LRMDA: variants seen among roughly 807,000 people sequenced by gnomAD.
The protein encoded by LRMDA is leucine-rich melanocyte differentiation-associated protein.
In LRMDA, 18 loss-of-function variants were observed where a neutral mutation model predicts 29.8. That is an observed-to-expected ratio of 0.60 (90% confidence interval 0.42 to 0.90). The LOEUF is 0.90. Among genes scored for constraint, LRMDA ranks in the 40% least tolerant of loss-of-function variants. The pLI is 0.00. For synonymous variants in LRMDA, 125 were observed against 109.4 expected (o/e 1.14, Z -0.89); for missense variants, 273 against 273.9 (o/e 1.00, Z 0.02).
intron 2 of LRMDA, among the ~76,000 whole-genome samples, chr10:75,790,131 C>G (rs1843540371): frequency 6.6e-6 from 1 of 152,106 alleles, no homozygotes; most frequent in African/African-American, 2.4e-5. Flanking sequence ...AATCTTGGCC[C>G]TATTGACATT....
chr10:75,722,104 G>A (rs975317270), intron 2 of LRMDA, among the ~76,000 whole-genome samples: 4 of 152,082 alleles, frequency 2.6e-5, no homozygotes, highest in African/African-American at 9.7e-5. Context: ...ATTTTAGTCG[G>A]GGAGAGGCCA....
chr10:75,696,141 C>A (rs1564542860), intron 2 of LRMDA, among the ~76,000 whole-genome samples: 1 of 152,142 alleles, frequency 6.6e-6, no homozygotes, highest in Non-Finnish European at 1.5e-5. Flanking sequence ...TTTCAGACTG[C>A]CCATTATTGG....
chr10:76,263,952 C>T (rs1482004767), intron 5 of LRMDA, among the ~76,000 whole-genome samples: 2 of 152,194 alleles, frequency 1.3e-5, no homozygotes, highest in Admixed American at 6.5e-5. Flanking sequence ...CATCATAACT[C>T]ATTCGTAGGT....
At chr10:75,730,608 C>T (rs182557933) in intron 2 of LRMDA, among the ~76,000 whole-genome samples, 2 of 152,310 alleles carry the variant, frequency 1.3e-5, no homozygotes, top group Admixed American at 1.3e-4. Flanking sequence ...CTTCCTGTCA[C>T]TCCATCATTG....
At chr10:75,884,494 A>T (rs190473991) in intron 2 of LRMDA, among the ~76,000 whole-genome samples, 32 of 152,300 alleles carry the variant, frequency 2.1e-4, no homozygotes, top group African/African-American at 7.7e-4. Flanking sequence ...AAGTCCTGTG[A>T]TCTAGCAGAA....
intron 2 of LRMDA, among the ~76,000 whole-genome samples, chr10:75,984,967 G>A (rs1443646167): frequency 1.3e-5 from 2 of 152,162 alleles, no homozygotes; most frequent in Non-Finnish European, 2.9e-5. Context: ...CTAATTATTT[G>A]TATTAATACA....
intron 5 of LRMDA, among the ~76,000 whole-genome samples, chr10:76,256,776 CTA>C (rs1852601921): frequency 6.6e-6 from 1 of 152,106 alleles, no homozygotes; most frequent in Non-Finnish European, 1.5e-5. Context: ...ACATCGTATT[CTA>C]TATGGAGTTA....
At chr10:75,838,240 T>C (rs866125831) in intron 2 of LRMDA, among the ~76,000 whole-genome samples, 1 of 152,214 alleles carries the variant, frequency 6.6e-6, no homozygotes, top group South Asian at 2.1e-4. Flanking sequence ...TGTAAAGTGC[T>C]TTGCAATGCA....
chr10:76,029,790 G>C (rs1406471642), intron 2 of LRMDA, among the ~76,000 whole-genome samples: 1 of 152,170 alleles, frequency 6.6e-6, no homozygotes, highest in African/African-American at 2.4e-5. Context: ...TCTCAGATGA[G>C]TGTTGAATTT....
intron 2 of LRMDA, among the ~76,000 whole-genome samples, chr10:75,818,308 C>CA (rs1224200208): frequency 1.1e-4 from 17 of 152,116 alleles, no homozygotes; most frequent in Non-Finnish European, 2.2e-4. Context: ...CATCTTGCCC[C>CA]ATCACTTAGT....
At chr10:76,033,909 C>T (rs1848194275) in intron 2 of LRMDA, among the ~76,000 whole-genome samples, 1 of 152,142 alleles carries the variant, frequency 6.6e-6, no homozygotes, top group South Asian at 2.1e-4. Flanking sequence ...ATGGGCCCGT[C>T]CCCTGCATTC....
intron 1 of LRMDA, among the ~76,000 whole-genome samples, chr10:75,434,115 C>T (rs149294156): frequency 1.4e-3 from 209 of 152,302 alleles, no homozygotes; most frequent in Non-Finnish European, 2.3e-3. Context: ...TCTCTTTCCT[C>T]TAGCTTATGA....
At chr10:76,173,119 T>C (rs1191745965) in intron 5 of LRMDA, among the ~76,000 whole-genome samples, 1 of 151,996 alleles carries the variant, frequency 6.6e-6, no homozygotes, top group Non-Finnish European at 1.5e-5. Flanking sequence ...AAATGCCATG[T>C]CTAGACCAAA....
chr10:76,375,987 G>A (rs532779518), intron 6 of LRMDA, among the ~76,000 whole-genome samples: 2 of 152,096 alleles, frequency 1.3e-5, no homozygotes, highest in East Asian at 1.9e-4. Flanking sequence ...AGATGGAAAC[G>A]TGTCATAGTT....
At chr10:76,217,756 C>A (rs1215051867) in intron 5 of LRMDA, among the ~76,000 whole-genome samples, 1 of 152,190 alleles carries the variant, frequency 6.6e-6, no homozygotes, top group Non-Finnish European at 1.5e-5. Context: ...GTGTGAGATT[C>A]ATATCCTCAA....
intron 2 of LRMDA, among the ~76,000 whole-genome samples, chr10:75,804,218 G>T (rs1843808220): frequency 6.6e-6 from 1 of 152,180 alleles, no homozygotes. Context: ...GGTGTTAGAT[G>T]CTAAGAGTTC....
intron 2 of LRMDA, among the ~76,000 whole-genome samples, chr10:75,464,722 A>C (rs1192525416): frequency 6.6e-6 from 1 of 152,210 alleles, no homozygotes. Context: ...TTCGGATGGA[A>C]TAGACCCCCA....
intron 5 of LRMDA, among the ~76,000 whole-genome samples, chr10:76,076,357 A>AG (rs1337895557): frequency 2.0e-5 from 3 of 151,444 alleles, no homozygotes; most frequent in Non-Finnish European, 4.4e-5. Context: ...AAAAAAAAAA[A>AG]AAAAAAAAAA....
intron 5 of LRMDA, among the ~76,000 whole-genome samples, chr10:76,215,304 G>T (rs1851709546): frequency 6.6e-6 from 1 of 152,146 alleles, no homozygotes; most frequent in Admixed American, 6.5e-5. Flanking sequence ...TTCATTTTGA[G>T]GGATGGGAGG....
Sources: gnomAD v4.1 joint callset for allele counts (sites outside exome capture counted in the v4.1 genomes callset) on GRCh38, gnomAD v4.1.1 for gene constraint, MANE v1.5 for transcripts, NCBI Gene and HGNC (gene_info 2026-07-23, HGNC 2026-07-21) for gene names.